Variants in GRHL2 observed in about 807,000 individuals in gnomAD.
GRHL2 encodes grainyhead like transcription factor 2.
Under a neutral mutation model 83.8 loss-of-function variants are expected in GRHL2, and 21 were observed. The ratio of observed to expected loss-of-function variants is 0.25; its 90% CI spans 0.18 to 0.36. The LOEUF (loss-of-function observed/expected upper bound fraction) is 0.36. Ranked by LOEUF, GRHL2 falls within the 10% of genes least tolerant of loss-of-function variation. GRHL2 has a pLI of 1.00. For synonymous variants in GRHL2, 280 were observed against 278.9 expected, an observed-to-expected ratio of 1.00 and a Z score of -0.04; for missense variants, 623 against 781.8, an observed-to-expected ratio of 0.80 and a Z score of 2.42.
At chr8:101,587,987 C>T (rs916415442) in intron 7 of GRHL2, among the ~76,000 whole-genome samples, 1 of 152,190 alleles carries the variant, frequency 6.6e-6, no homozygotes, top group African/African-American at 2.4e-5. Context: ...TTAAATTAAA[C>T]TCTTTGAGGT....
intron 4 of GRHL2, among the ~76,000 whole-genome samples, chr8:101,568,856 GGAAGATAATCTTCTT>G (rs1794077756): frequency 6.6e-6 from 1 of 152,068 alleles, no homozygotes; most frequent in Non-Finnish European, 1.5e-5. Context: ...AAATTTGAAG[GGAAGATAATCTTCTT>G]GAATTCAAGA....
At chr8:101,493,825 C>T (rs995519184) in intron 1 of GRHL2, among the ~76,000 whole-genome samples, 2 of 151,956 alleles carry the variant, frequency 1.3e-5, no homozygotes, top group Admixed American at 6.5e-5. Flanking sequence ...GCCGGAGCCG[C>T]CCGCGGGTCA....
rs370196002 is a variant in GRHL2, at chr8:101,664,478, G to C, written c.1723G>C (p.Val575Leu). Reference protein sequence around the residue: ...EAISEKYGLPVEKIAKLYKKS... With the variant: ...EAISEKYGLPLEKIAKLYKKS... ...GATATCTGAGAAATATGGGCTGCCC[G>C]TGGAGAAGATAGCAAAGCTTTACAA... is the stretch of plus-strand genomic sequence containing the variant. Residue 575 changes from valine (V) to leucine (L), a missense_variant, in exon 15 of 16, where the codon GTG becomes CTG. Physicochemically the swap from Val to Leu is conservative, Grantham distance 32 (BLOSUM62 1). This residue lies in a region of GRHL2 where 210 missense variants were observed against 254.8 expected (regional missense o/e 0.82). Coordinates refer to ENST00000646743, the MANE Select transcript of GRHL2 (RefSeq NM_024915.4). The C allele has an allele frequency of 3.4e-5, 55 of 1,613,520 alleles. No homozygotes were observed. Among genetic ancestry groups the C allele is most frequent in the Non-Finnish European group, 4.4e-5 (52 of 1,179,648 alleles).
At chr8:101,603,873 G>T (rs191535343) in intron 8 of GRHL2, among the ~76,000 whole-genome samples, 1 of 152,010 alleles carries the variant, frequency 6.6e-6, no homozygotes, top group Non-Finnish European at 1.5e-5. Context: ...AATTGATGGC[G>T]GGCAGGGCCC....
intron 14 of GRHL2, among the ~76,000 whole-genome samples, chr8:101,652,392 TGTGTGTCTGGTGTGTGTGTG>T (rs1216082186): frequency 1.4e-5 from 1 of 73,376 alleles, no homozygotes; most frequent in Non-Finnish European, 2.4e-5. Context: ...GTGGTGTGTG[TGTGTGTCTGGTGTGTGTGTG>T]GTGTGTGTGT....
At chr8:101,509,215 G>C (rs1216073669) in intron 1 of GRHL2, among the ~76,000 whole-genome samples, 29 of 29,622 alleles carry the variant, frequency 9.8e-4, no homozygotes, top group Non-Finnish European at 2.0e-3. Context: ...CTTCTTGTGT[G>C]TGTGTGTGTG....
At chr8:101,503,823 C>G (rs1810280608) in intron 1 of GRHL2, among the ~76,000 whole-genome samples, 1 of 151,942 alleles carries the variant, frequency 6.6e-6, no homozygotes, top group Non-Finnish European at 1.5e-5. Flanking sequence ...TGTTTATAGG[C>G]ATAAAAAGAT....
At chr8:101,592,570 T>G (rs936960137) in intron 7 of GRHL2, among the ~76,000 whole-genome samples, 1 of 152,344 alleles carries the variant, frequency 6.6e-6, no homozygotes, top group African/African-American at 2.4e-5. Flanking sequence ...TTGCTAGAAA[T>G]GCAAATTCTT....
At chr8:101,679,226 T>C in the GRHL2 span, among the ~76,000 whole-genome samples, 2 of 143,926 alleles carry the variant, frequency 1.4e-5, no homozygotes, top group Non-Finnish European at 3.1e-5. Context: ...AGAGAAGTGC[T>C]TAAAGGAGCT....
At chr8:101,525,132 A>G (rs1041885902) in intron 1 of GRHL2, among the ~76,000 whole-genome samples, 2 of 152,048 alleles carry the variant, frequency 1.3e-5, no homozygotes, top group Admixed American at 6.6e-5. Flanking sequence ...TAGTAGAGAC[A>G]GGGTTTCATC....
At chr8:101,528,444 A>G (rs1213989752) in intron 1 of GRHL2, among the ~76,000 whole-genome samples, 2 of 150,778 alleles carry the variant, frequency 1.3e-5, no homozygotes, top group East Asian at 3.9e-4. Flanking sequence ...TTTTTTTTTA[A>G]CTAACAAGCA....
intron 1 of GRHL2, among the ~76,000 whole-genome samples, chr8:101,518,523 TGAC>T (rs1361748742): frequency 6.6e-6 from 1 of 152,200 alleles, no homozygotes; most frequent in African/African-American, 2.4e-5. Flanking sequence ...GAACTCCACT[TGAC>T]TTCTGGTGTG....
chr8:101,508,821 A>C (rs1185700155), intron 1 of GRHL2, among the ~76,000 whole-genome samples: 2 of 152,190 alleles, frequency 1.3e-5, no homozygotes, highest in African/African-American at 4.8e-5. Context: ...CACCAAGCTA[A>C]ATGCAGAGAC....
At chr8:101,657,234 A>G (rs1813811971) in intron 14 of GRHL2, among the ~76,000 whole-genome samples, 1 of 152,192 alleles carries the variant, frequency 6.6e-6, no homozygotes, top group Non-Finnish European at 1.5e-5. Flanking sequence ...CATAAAAATC[A>G]TTAAACGTAA....
chr8:101,671,360 T>C (rs535641856), downstream of GRHL2, among the ~76,000 whole-genome samples: 1 of 152,246 alleles, frequency 6.6e-6, no homozygotes, highest in South Asian at 2.1e-4. Flanking sequence ...ACCAGGAGAT[T>C]ATATCCCGCA....
intron 1 of GRHL2, among the ~76,000 whole-genome samples, chr8:101,520,534 G>A (rs973439860): frequency 1.1e-4 from 17 of 151,982 alleles, no homozygotes; most frequent in African/African-American, 3.1e-4. Context: ...TCAATCCCAC[G>A]CAGCAGACAG....
At chr8:101,510,515 T>TC (rs1810440156) in intron 1 of GRHL2, among the ~76,000 whole-genome samples, 1 of 152,224 alleles carries the variant, frequency 6.6e-6, no homozygotes, top group Non-Finnish European at 1.5e-5. Flanking sequence ...AAGATTTTTA[T>TC]ATTCCTGAAT....
chr8:101,604,781 C>T (rs2130328863), intron 8 of GRHL2, among the ~76,000 whole-genome samples: 1 of 152,320 alleles, frequency 6.6e-6, no homozygotes, highest in East Asian at 1.9e-4. Context: ...ACTACCATCA[C>T]ACTAATCATG....
At chr8:101,627,090 A>G (rs2130387532) in intron 9 of GRHL2, among the ~76,000 whole-genome samples, 1 of 152,252 alleles carries the variant, frequency 6.6e-6, no homozygotes, top group African/African-American at 2.4e-5. Context: ...GGTTTGGCAT[A>G]TGAAAGAATG....
Sources: allele counts gnomAD v4.1 joint callset (sites outside exome capture counted in the v4.1 genomes callset), GRCh38; gene constraint gnomAD v4.1.1; regional missense constraint gnomAD v4.1.1; transcripts MANE v1.5; gene names NCBI Gene and HGNC (gene_info 2026-07-23, HGNC 2026-07-21).